CSMD1: variants seen among roughly 807,000 people sequenced by gnomAD.
CSMD1 encodes the protein CUB and Sushi multiple domains 1.
Under a neutral mutation model 417.5 loss-of-function variants are expected in CSMD1, and 213 were observed. That is an observed-to-expected ratio of 0.51 (90% CI 0.46 to 0.57). The LOEUF (loss-of-function observed/expected upper bound fraction) is 0.57, where lower values mean the gene tolerates loss of function less well. Among genes scored for constraint, CSMD1 ranks in the 20% least tolerant of loss-of-function variants. The probability of loss-of-function intolerance (pLI) is 0.00; values close to 1 mark genes in which losing one functional copy is unlikely to be tolerated. For missense variants in CSMD1, 6,923 were observed against 4,529.7 expected (o/e 1.53, Z -15.17); for synonymous variants, 2,862 against 1,736.8 (o/e 1.65, Z -16.11).
chr8:4,920,320 C>G (rs1563767006), intron 1 of CSMD1, among the ~76,000 whole-genome samples: 1 of 152,090 alleles, frequency 6.6e-6, no homozygotes, highest in African/African-American at 2.4e-5. Context: ...TTTCTTGAGT[C>G]TACACATAGG....
chr8:4,267,389 A>T lies in CSMD1; in HGVS notation c.415+152564T>A, dbSNP rs1434606112. Reference sequence around the variant, plus strand: ...AAAGGGAGTCTTAGGATTAACTATGAACTCTGAAAGATCTATGTGAAGAAA... The same window carrying T: ...AAAGGGAGTCTTAGGATTAACTATGTACTCTGAAAGATCTATGTGAAGAAA... On this transcript the variant is annotated intron_variant, in intron 3 of 69. Transcript: ENST00000635120. 2.2e-5 allele frequency among the ~76,000 whole-genome samples: 3 copies of T among 137,026 alleles called. 1 individual carries two copies. The highest frequency in any genetic ancestry group is 4.9e-5 in the Non-Finnish European group (3 of 60,936). 89.9% of individuals were successfully genotyped at this position (137,026 alleles called of 152,430 possible).
chr8:4,392,953 G>A (rs757618981), intron 3 of CSMD1, among the ~76,000 whole-genome samples: 2 of 151,692 alleles, frequency 1.3e-5, no homozygotes, highest in African/African-American at 2.4e-5. Context: ...TGGGCAACAC[G>A]GTGGGACACT....
At chr8:4,819,415 A>G (rs57797996) in intron 1 of CSMD1, among the ~76,000 whole-genome samples, 2,571 of 151,860 alleles carry the variant, frequency 0.017, 70 homozygotes, top group African/African-American at 0.057. Context: ...TGCAAGCTTC[A>G]TAGAGCAAAT....
chr8:3,225,792 TTC>T (rs765581517), intron 27 of CSMD1, among the ~76,000 whole-genome samples: 1 of 152,238 alleles, frequency 6.6e-6, no homozygotes, highest in Non-Finnish European at 1.5e-5. Context: ...GCCCTGTTTG[TTC>T]TCTCTTTTGG....
intron 26 of CSMD1, among the ~76,000 whole-genome samples, chr8:3,266,723 T>C (rs1044176543): frequency 6.7e-6 from 1 of 148,164 alleles, no homozygotes; most frequent in Non-Finnish European, 1.5e-5. Flanking sequence ...TGCAGTGAGC[T>C]GAGATTATAC....
intron 5 of CSMD1, among the ~76,000 whole-genome samples, chr8:3,869,587 G>T (rs1376794832): frequency 6.6e-6 from 1 of 152,128 alleles, no homozygotes; most frequent in Admixed American, 6.5e-5. Context: ...CTATCTATCA[G>T]ATATAAATAG....
intron 4 of CSMD1, among the ~76,000 whole-genome samples, chr8:4,004,006 A>T (rs1393731393): frequency 6.6e-6 from 1 of 152,218 alleles, no homozygotes; most frequent in East Asian, 1.9e-4. Context: ...TGATCAACTA[A>T]ATAAAATTAA....
intron 3 of CSMD1, among the ~76,000 whole-genome samples, chr8:4,347,379 T>G (rs1254594564): frequency 6.6e-6 from 1 of 152,174 alleles, no homozygotes; most frequent in African/African-American, 2.4e-5. Context: ...TTTGATTTCT[T>G]GGGACATCTA....
intron 29 of CSMD1, among the ~76,000 whole-genome samples, chr8:3,216,430 C>T (rs959104736): frequency 1.3e-5 from 2 of 152,148 alleles, no homozygotes; most frequent in Admixed American, 6.5e-5. Flanking sequence ...TCCCAGTACA[C>T]ATCTATTAAT....
At chr8:3,442,823 T>A in intron 12 of CSMD1, among the ~76,000 whole-genome samples, 1 of 151,576 alleles carries the variant, frequency 6.6e-6, no homozygotes. Context: ...GAGATATTAG[T>A]ACATAGATTT....
chr8:3,757,887 A>T (rs1330102184), intron 5 of CSMD1, among the ~76,000 whole-genome samples: 2 of 152,064 alleles, frequency 1.3e-5, no homozygotes, highest in African/African-American at 4.8e-5. Context: ...CCAACAACAA[A>T]AACACCGAGC....
intron 3 of CSMD1, among the ~76,000 whole-genome samples, chr8:4,096,631 T>C (rs912643589): frequency 1.3e-5 from 2 of 152,234 alleles, no homozygotes; most frequent in East Asian, 1.9e-4. Context: ...GAAAGATATC[T>C]TAAAAATCTT....
chr8:4,114,094 G>T (rs1479323337), intron 3 of CSMD1, among the ~76,000 whole-genome samples: 2 of 152,324 alleles, frequency 1.3e-5, no homozygotes, highest in African/African-American at 2.4e-5. Flanking sequence ...CCTTATGTAG[G>T]AAGAAGATGC....
chr8:4,685,011 G>A (rs1175728984), intron 1 of CSMD1, among the ~76,000 whole-genome samples: 1 of 151,992 alleles, frequency 6.6e-6, no homozygotes. Context: ...TAGAACAACG[G>A]GACTCAGAAA....
chr8:3,233,033 G>A (rs1798931945), intron 26 of CSMD1, among the ~76,000 whole-genome samples: 4 of 151,740 alleles, frequency 2.6e-5, no homozygotes, highest in Non-Finnish European at 4.4e-5. Context: ...GTTGACTGAT[G>A]ATTGTTTAAA....
At chr8:4,027,897 T>C (rs188769071) in intron 4 of CSMD1, among the ~76,000 whole-genome samples, 82 of 152,296 alleles carry the variant, frequency 5.4e-4, no homozygotes, top group African/African-American at 1.8e-3. Flanking sequence ...ACTTTGATTT[T>C]TTTTCTGAGA....
At chr8:4,127,470 AAAAAAAAAAG>A (rs1043139402) in intron 3 of CSMD1, among the ~76,000 whole-genome samples, 2 of 150,488 alleles carry the variant, frequency 1.3e-5, no homozygotes, top group East Asian at 2.0e-4. Context: ...AAAAAAAAAA[AAAAAAAAAAG>A]AAAATCATAA....
intron 3 of CSMD1, among the ~76,000 whole-genome samples, chr8:4,252,645 A>C (rs530016381): frequency 5.3e-5 from 8 of 152,362 alleles, no homozygotes; most frequent in South Asian, 2.1e-4. Context: ...AGTAACACCC[A>C]GTTTAAAAAT....
intron 4 of CSMD1, among the ~76,000 whole-genome samples, chr8:4,004,439 G>A (rs1319611732): frequency 6.7e-6 from 1 of 149,808 alleles, no homozygotes; most frequent in African/African-American, 2.5e-5. Context: ...TTTTTTAAAG[G>A]AAAGGCTATT....
Sources: gnomAD v4.1 joint callset for allele counts (sites outside exome capture counted in the v4.1 genomes callset) on GRCh38, gnomAD v4.1.1 for gene constraint, MANE v1.5 for transcripts, NCBI Gene and HGNC (gene_info 2026-07-23, HGNC 2026-07-21) for gene names.